KANK1: variants seen among roughly 807,000 people sequenced by gnomAD.
KANK1 encodes the protein KN motif and ankyrin repeat domain-containing protein 1.
In KANK1, 109 loss-of-function variants were observed where a neutral mutation model predicts 106.2. That is an observed-to-expected ratio of 1.03 (90% CI 0.88 to 1.20). The LOEUF is 1.20. Ranked by LOEUF, KANK1 falls within the 50% of genes most tolerant of loss-of-function variation. The pLI is 0.00. For synonymous variants in KANK1, 873 were observed against 652.2 expected (o/e 1.34, Z -5.16); for missense variants, 2,399 against 1,710.7 (o/e 1.40, Z -7.10).
chr9:732,865 A>G, intron 6 of KANK1: 1 of 327,140 alleles, frequency 3.1e-6, no homozygotes, highest in Non-Finnish European at 5.6e-6. Flanking sequence ...ATAATTTAAC[A>G]TATGGAACCA....
intron 2 of KANK1, among the ~76,000 whole-genome samples, chr9:697,080 G>A (rs1483617787): frequency 7.1e-5 from 1 of 13,988 alleles, no homozygotes; most frequent in African/African-American, 1.2e-4. Context: ...TTCCATCTGT[G>A]TGTGTGTGTG....
chr9:694,969 C>A (rs376028331), intron 2 of KANK1, among the ~76,000 whole-genome samples: 1 of 152,058 alleles, frequency 6.6e-6, no homozygotes, highest in African/African-American at 2.4e-5. Context: ...CAAGTCTAGT[C>A]GACAGTTACT....
intron 1 of KANK1, among the ~76,000 whole-genome samples, chr9:616,375 A>T (rs1180695677): frequency 6.6e-6 from 1 of 152,204 alleles, no homozygotes; most frequent in Admixed American, 6.5e-5. Context: ...TAGAATGGAC[A>T]TCCTGAACAC....
rs73374892 is a variant in KANK1 at position 735,478 on chromosome 9, C to G, written c.3333+643C>G. 3.0e-3 allele frequency among the ~76,000 whole-genome samples: 458 copies of G among 152,290 alleles called. 2 individuals are homozygous for G. The highest frequency in any genetic ancestry group is 0.01 in the African/African-American group (423 of 41,558). On this transcript the variant is annotated intron_variant, in intron 7 of 11. Transcript: ENST00000382297. ...ACACCATGGCCAAGAATGACATATT[C>G]TCATGTGTCGAAGTTATGTGCACAT...
chr9:647,609 T>C (rs902963897), intron 1 of KANK1, among the ~76,000 whole-genome samples: 1 of 150,786 alleles, frequency 6.6e-6, no homozygotes. Flanking sequence ...AAGAAAACTC[T>C]TAGTATAGTT....
intron 3 of KANK1, chr9:478,154 GA>G (rs1163734594): frequency 1.1e-5 from 2 of 186,830 alleles, no homozygotes; most frequent in Non-Finnish European, 2.2e-5. Flanking sequence ...AAGCACAGTG[GA>G]AATGCCATTT....
intron 2 of KANK1, among the ~76,000 whole-genome samples, chr9:689,481 C>G (rs572612565): frequency 6.6e-6 from 1 of 152,260 alleles, no homozygotes; most frequent in South Asian, 2.1e-4. Flanking sequence ...TGAGCGGATC[C>G]TGCTAATCCA....
chr9:569,161 T>G (rs891234813), intron 1 of KANK1, among the ~76,000 whole-genome samples: 1 of 151,402 alleles, frequency 6.6e-6, no homozygotes, highest in African/African-American at 2.4e-5. Flanking sequence ...TGCCTTCCTT[T>G]CTTCCTGCCT....
intron 1 of KANK1, among the ~76,000 whole-genome samples, chr9:649,737 T>G (rs746423963): frequency 6.6e-6 from 1 of 152,168 alleles, no homozygotes; most frequent in African/African-American, 2.4e-5. Context: ...GTGAGCTATG[T>G]GTTAAGCTGG....
intron 1 of KANK1, chr9:539,646 A>G (rs1157717738): frequency 3.3e-5 from 5 of 152,082 alleles, no homozygotes; most frequent in Admixed American, 3.3e-4. Flanking sequence ...GTGTACCACC[A>G]TGCCTGGCTG....
At chr9:607,745 T>A (rs1829587383) in intron 1 of KANK1, among the ~76,000 whole-genome samples, 1 of 151,704 alleles carries the variant, frequency 6.6e-6, no homozygotes, top group Non-Finnish European at 1.5e-5. Context: ...CCCATTTCCT[T>A]GTTCTCCTAA....
In KANK1 at chr9:521,549, C is replaced by G. The variant is rs1023652143; in HGVS notation, c.-84+16795C>G. ...CTGGGCACTTGGAATTCTCTACTTT[C>G]TTTTCCCTCCAGATTCTTTTTTTTT... On this transcript the variant is annotated intron_variant, in intron 1 of 11. Transcript: ENST00000382297. Among the ~76,000 whole-genome samples the G allele has an allele frequency of 5.1e-4, 74 of 145,252 alleles. 1 individual carries two copies. The highest frequency in any genetic ancestry group is 1.8e-3 in the African/African-American group (71 of 38,824).
rs1278195090 is a variant in KANK1 at position 677,017 on chromosome 9, T to C, written c.37+8T>C. 6.2e-7 allele frequency: 1 copy of C among 1,612,974 alleles called. No individual in the cohort carries two copies. Among genetic ancestry groups the C allele is most frequent in the Non-Finnish European group, 8.5e-7 (1 of 1,179,126 alleles). Reference sequence around the variant, plus strand: ...TTAACGGCAGTGCCTCAGGTAACCCTGTGCTCTGGAGTTTGTGTGTTAAAT... The same window carrying C: ...TTAACGGCAGTGCCTCAGGTAACCCCGTGCTCTGGAGTTTGTGTGTTAAAT... On this transcript the variant is annotated splice_region_variant and intron_variant, in intron 2 of 11. Transcript: ENST00000382297.
chr9:660,251 G>C (rs1842998210), intron 1 of KANK1: 2 of 242,924 alleles, frequency 8.2e-6, no homozygotes, highest in South Asian at 1.3e-4. Flanking sequence ...AGGGTGACCA[G>C]CACAAGAACA....
chr9:478,687 C>A (rs1305138303), intron 3 of KANK1, among the ~76,000 whole-genome samples: 1 of 152,216 alleles, frequency 6.6e-6, no homozygotes, highest in African/African-American at 2.4e-5. Context: ...TAGCCACTTA[C>A]CTTTAAAAAC....
At chr9:566,171 A>G (rs1219848585) in intron 1 of KANK1, among the ~76,000 whole-genome samples, 2 of 152,108 alleles carry the variant, frequency 1.3e-5, no homozygotes, top group African/African-American at 4.8e-5. Context: ...CCAGCTATCC[A>G]TGCAAAGGAC....
intron 3 of KANK1, chr9:495,730 C>T (rs183477845): frequency 6.6e-6 from 1 of 152,340 alleles, no homozygotes; most frequent in East Asian, 1.9e-4. Context: ...CCCTCCACCC[C>T]ACCCCAGCCC....
intron 6 of KANK1, chr9:734,318 T>C (rs949384441): frequency 5.7e-6 from 1 of 176,680 alleles, no homozygotes; most frequent in South Asian, 1.3e-4. Context: ...AAGCACCTTG[T>C]GCCATAATGA....
chr9:735,534 G>C (rs1361715478), intron 7 of KANK1, among the ~76,000 whole-genome samples: 4 of 152,184 alleles, frequency 2.6e-5, no homozygotes, highest in Non-Finnish European at 5.9e-5. Flanking sequence ...CCCCCTGGTT[G>C]ACAGCTGTCT....
Sources: gnomAD v4.1 joint callset for allele counts (sites outside exome capture counted in the v4.1 genomes callset) on GRCh38, gnomAD v4.1.1 for gene constraint, MANE v1.5 for transcripts, NCBI Gene and HGNC (gene_info 2026-07-23, HGNC 2026-07-21) for gene names.